CDK12: variants seen among roughly 807,000 people sequenced by gnomAD.
The protein encoded by CDK12 is cyclin dependent kinase 12.
In CDK12, 17 loss-of-function variants were observed where a neutral mutation model predicts 133.8. That is an observed-to-expected ratio of 0.13 (90% CI 0.09 to 0.19). The LOEUF (loss-of-function observed/expected upper bound fraction) is 0.19. CDK12 is among the 10% of genes least tolerant of loss of function. The probability of loss-of-function intolerance (pLI) is 1.00; values close to 1 mark genes in which losing one functional copy is unlikely to be tolerated. For missense variants in CDK12, 1,508 were observed against 1,818.7 expected, an observed-to-expected ratio of 0.83 and a Z score of 3.11; for synonymous variants, 694 against 683.6, an observed-to-expected ratio of 1.02 and a Z score of -0.24.
chr17:39,538,954 T>TACATA (rs935790813), downstream of CDK12, among the ~76,000 whole-genome samples: 8 of 149,798 alleles, frequency 5.3e-5, no homozygotes, highest in Non-Finnish European at 1.2e-4. Context: ...CATACATACA[T>TACATA]AAGGCTAGTA....
chr17:39,559,487 T>C (rs560819363), intron 3 of CDK12, among the ~76,000 whole-genome samples: 1 of 152,250 alleles, frequency 6.6e-6, no homozygotes, highest in Non-Finnish European at 1.5e-5. Flanking sequence ...CCTCCTTCCC[T>C]CTCACCCACC....
rs778012360 is a variant in CDK12, at chr17:39,511,500, TTA to T, written c.2667-27_2667-26del. The T allele has an allele frequency of 5.4e-5, 76 of 1,405,022 alleles. No individual in the cohort carries two copies. In the South Asian group the frequency reaches 7.9e-4, roughly 15 times the overall value. 87.0% of individuals were successfully genotyped at this position (1,405,022 alleles called of 1,614,324 possible). ...TTTTTCATCAGAAGCCACTGTAAGTTTATGTCATGGTTGTTTTTTATATTTCA... is the reference window on the plus strand; with the variant it reads ...TTTTTCATCAGAAGCCACTGTAAGTTTGTCATGGTTGTTTTTTATATTTCA... On this transcript the variant is annotated intron_variant, in intron 7 of 13. Transcript: ENST00000447079.
downstream of CDK12, among the ~76,000 whole-genome samples, chr17:39,537,398 C>T (rs2055180969): frequency 2.6e-5 from 4 of 151,880 alleles, no homozygotes; most frequent in South Asian, 8.3e-4. Flanking sequence ...TGGCCTTATA[C>T]TAGTGTTAAT....
rs538438787 is a variant in CDK12 at position 39,495,666 on chromosome 17, G to T, written c.2419+972G>T. Reference sequence around the variant, plus strand: ...AAAAATTAGCCGGACATGGTGGCAGGCGCCTGTAGTCCCAGCTACTCAGGA... The same window carrying T: ...AAAAATTAGCCGGACATGGTGGCAGTCGCCTGTAGTCCCAGCTACTCAGGA... On this transcript the variant is annotated intron_variant, in intron 5 of 13. Transcript: ENST00000447079. 4.8e-3 allele frequency among the ~76,000 whole-genome samples: 734 copies of T among 151,402 alleles called. 3 individuals are homozygous for T. Among genetic ancestry groups the T allele is most frequent in the Non-Finnish European group, 7.3e-3 (494 of 67,872 alleles).
intron 3 of CDK12, among the ~76,000 whole-genome samples, chr17:39,560,974 G>A (rs112027453): frequency 3.3e-5 from 5 of 152,132 alleles, no homozygotes; most frequent in African/African-American, 9.6e-5. Context: ...AGATCGTGCC[G>A]CTGCACTCCA....
In CDK12 at chr17:39,533,664, A is replaced by G. The variant is rs1051897674; in HGVS notation, c.*2348A>G. On this transcript the variant is annotated 3_prime_UTR_variant, in exon 14 of 14. Coordinates refer to ENST00000447079, the MANE Select transcript of CDK12 (RefSeq NM_016507.4). ...CTTAAGCCTCCATTCCCTCATCCCT[A>G]CTAGGGAAGGGGGTGAGTGTATGTG... 2 of 232,698 alleles carry G rather than the reference A, an allele frequency of 8.6e-6. No homozygotes were observed. Among genetic ancestry groups the G allele is most frequent in the Admixed American group, 5.6e-5 (1 of 17,754 alleles). The allele number at this position is 232,698 out of a possible 1,614,324, so 14.4% of individuals were successfully genotyped here.
intron 6 of CDK12, among the ~76,000 whole-genome samples, chr17:39,508,401 A>G (rs2053269383): frequency 6.6e-6 from 1 of 152,198 alleles, no homozygotes; most frequent in South Asian, 2.1e-4. Flanking sequence ...TTAGATAAAT[A>G]TCATTAATCC....
At chr17:39,485,327 T>C (rs1007721289) in intron 2 of CDK12, among the ~76,000 whole-genome samples, 1 of 151,412 alleles carries the variant, frequency 6.6e-6, no homozygotes, top group Non-Finnish European at 1.5e-5. Context: ...GGCTGATGCC[T>C]GTGATCCCAG....
upstream of CDK12, among the ~76,000 whole-genome samples, chr17:39,545,019 G>C (rs966268218): frequency 1.3e-5 from 2 of 152,120 alleles, no homozygotes; most frequent in Non-Finnish European, 2.9e-5. Flanking sequence ...CTGATGTTCT[G>C]CCTTCTGATT....
chr17:39,545,130 G>A (rs186904025), upstream of CDK12, among the ~76,000 whole-genome samples: 5 of 152,188 alleles, frequency 3.3e-5, no homozygotes, highest in East Asian at 9.7e-4. Flanking sequence ...TCTACAGTGG[G>A]TTGCTGATGT....
At chr17:39,477,585 T>G (rs1453853781) in intron 2 of CDK12, among the ~76,000 whole-genome samples, 1 of 148,464 alleles carries the variant, frequency 6.7e-6, no homozygotes, top group African/African-American at 2.5e-5. Flanking sequence ...TTTTTTTTTT[T>G]TTTTTGAGTC....
intron 2 of CDK12, 77 bp downstream of exon 2, chr17:39,471,840 C>G: frequency 8.0e-7 from 1 of 1,242,768 alleles, no homozygotes; most frequent in Non-Finnish European, 1.1e-6. Flanking sequence ...TTTGTCAACA[C>G]TACCCTCATG....
intron 2 of CDK12, among the ~76,000 whole-genome samples, chr17:39,555,797 CAGCCTGGGAAACAT>C (rs1249647459): frequency 6.7e-6 from 1 of 148,268 alleles, no homozygotes; most frequent in Non-Finnish European, 1.5e-5. Flanking sequence ...AGTTCGAGAC[CAGCCTGGGAAACAT>C]AGTGAAACCT....
intron 8 of CDK12, among the ~76,000 whole-genome samples, chr17:39,513,706 T>C (rs922984046): frequency 6.6e-6 from 1 of 152,142 alleles, no homozygotes; most frequent in Non-Finnish European, 1.5e-5. Context: ...AAAAACACAA[T>C]TGGAAATTAA....
intron 2 of CDK12, among the ~76,000 whole-genome samples, chr17:39,475,236 A>G (rs1597950542): frequency 2.0e-5 from 3 of 150,982 alleles, no homozygotes; most frequent in South Asian, 2.2e-4. Flanking sequence ...TTGGGAGGCC[A>G]TGGTGGGAGG....
chr17:39,553,266 GAC>G (rs895464994), intron 2 of CDK12, among the ~76,000 whole-genome samples: 1 of 151,946 alleles, frequency 6.6e-6, no homozygotes, highest in Non-Finnish European at 1.5e-5. Flanking sequence ...CTCCCATCTT[GAC>G]ACCTTGGAGT....
At chr17:39,524,447 C>T (rs2054372229) in intron 11 of CDK12, among the ~76,000 whole-genome samples, 1 of 152,190 alleles carries the variant, frequency 6.6e-6, no homozygotes, top group African/African-American at 2.4e-5. Flanking sequence ...GCAAGATCCT[C>T]CTTTCTCACT....
chr17:39,472,091 C>G (rs75538806), intron 2 of CDK12, among the ~76,000 whole-genome samples: 10 of 151,918 alleles, frequency 6.6e-5, no homozygotes, highest in Non-Finnish European at 1.0e-4. Flanking sequence ...TCAAGCGATT[C>G]TCCCACCTCA....
At chr17:39,501,546 A>G (rs2052717809) in intron 6 of CDK12, 107 bp downstream of exon 6, 1 of 689,838 alleles carries the variant, frequency 1.4e-6, no homozygotes, top group South Asian at 2.0e-5. Flanking sequence ...TGCAGTATTC[A>G]CACACTATTT....
Sources: allele counts gnomAD v4.1 joint callset (sites outside exome capture counted in the v4.1 genomes callset), GRCh38; gene constraint gnomAD v4.1.1; transcripts MANE v1.5; gene names NCBI Gene and HGNC (gene_info 2026-07-23, HGNC 2026-07-21).